The following PRKCSH variants were observed in gnomAD, a reference collection of about 807,000 sequenced individuals.
The protein encoded by PRKCSH is glucosidase 2 subunit beta.
Under a neutral mutation model 79.7 loss-of-function variants are expected in PRKCSH, and 42 were observed. That is an observed-to-expected ratio of 0.53 (90% CI 0.41 to 0.68). The LOEUF is 0.68. Among genes scored for constraint, PRKCSH ranks in the 30% least tolerant of loss-of-function variants. PRKCSH has a pLI of 0.00. For synonymous variants in PRKCSH, 325 were observed against 288.2 expected (o/e 1.13, Z -1.29); for missense variants, 686 against 709.0 (o/e 0.97, Z 0.37).
Position 11,436,170 on chromosome 19 carries a change from A to G in PRKCSH, c.53A>G (p.Lys18Arg). The G allele has an allele frequency of 6.3e-7, 1 of 1,597,288 alleles. No individual in the cohort carries two copies. Among genetic ancestry groups the G allele is most frequent in the Non-Finnish European group, 8.5e-7 (1 of 1,173,262 alleles). Residue 18 changes from lysine to arginine, a missense_variant, in exon 2 of 18, where the codon AAG becomes AGG. Lys to Arg is a conservative substitution (Grantham distance 26, BLOSUM62 2). Around this residue, in one of 2 missense-constraint regions of PRKCSH, gnomAD observed 549 missense variants for 520.2 expected, o/e 1.06. Coordinates refer to ENST00000677123, the MANE Select transcript of PRKCSH (RefSeq NM_001289104.2). Reference sequence around the variant, plus strand: ...CCCATGTGCTGGGCCGTGGAGGTCAAGAGGCCCCGGGGCGTCTCCCTCACC... The same window carrying G: ...CCCATGTGCTGGGCCGTGGAGGTCAGGAGGCCCCGGGGCGTCTCCCTCACC... ...LLPMCWAVEV[K>R]RPRGVSLTNH...
chr19:11,441,974 T>A (rs1161347854), intron 6 of PRKCSH, among the ~76,000 whole-genome samples: 1 of 152,232 alleles, frequency 6.6e-6, no homozygotes. Flanking sequence ...CAAGGAAGGC[T>A]TCTTGGAGGA....
rs748624848 is a variant in PRKCSH at position 11,448,264 on chromosome 19, C to A, written c.1169C>A (p.Ser390Ter). 1.3e-6 allele frequency: 2 copies of A among 1,570,992 alleles called. No individual in the cohort carries two copies. Among genetic ancestry groups the A allele is most frequent in the South Asian group, 2.3e-5 (2 of 85,364 alleles). ...AACAAGTTCGAGGAGGCCGAGCGGT[C>A]GCTGAAGGACATGGAGGAGTCCATC... is the stretch of plus-strand genomic sequence containing the variant. ...ARNKFEEAER[S>*]LKDMEESIRN... Residue 390 changes from serine to a stop codon, truncating the protein, a stop_gained, in exon 13 of 18, where the codon TCG becomes TAG. Coordinates refer to ENST00000677123, the MANE Select transcript of PRKCSH (RefSeq NM_001289104.2). LOFTEE classifies it high-confidence loss of function. The surrounding 1 kb of genome is among the most constrained non-coding windows in gnomAD (Gnocchi z 4.4).
rs1484859641 is a variant in PRKCSH, at chr19:11,448,134, G to C, written c.1127-88G>C. The C allele has an allele frequency of 2.1e-5, 28 of 1,353,404 alleles. No homozygotes were observed. The highest frequency in any genetic ancestry group is 2.7e-5 in the Non-Finnish European group (26 of 967,960). The allele number at this position is 1,353,404 out of a possible 1,614,324, so 83.8% of individuals were successfully genotyped here. ...CTTGGCCAGAGCAAAATGAGGGTATGGGAGCACACAGCCACATCCATGGAA... is the reference window on the plus strand; with the variant it reads ...CTTGGCCAGAGCAAAATGAGGGTATCGGAGCACACAGCCACATCCATGGAA... On this transcript the variant is annotated intron_variant, in intron 12 of 17. Transcript: ENST00000677123. The surrounding 1 kb of genome is among the most constrained non-coding windows in gnomAD (Gnocchi z 4.4).
chr19:11,442,407 G>A lies in PRKCSH; in HGVS notation c.490G>A (p.Ala164Thr). Residue 164 changes from alanine (A) to threonine (T), a missense_variant, in exon 7 of 18, where the codon GCT (alanine) becomes ACT (threonine). Physicochemically the swap from Ala to Thr is moderately conservative, Grantham distance 58. Coordinates refer to ENST00000677123, the MANE Select transcript of PRKCSH (RefSeq NM_001289104.2). Reference protein sequence around the residue: ...EKQKKLIELQAGKKSLEDQVE... With the variant: ...EKQKKLIELQTGKKSLEDQVE... The stretch of plus-strand genomic sequence containing the variant: ...CCAGAAAAAGCTCATTGAGCTACAG[G>A]CTGGGAAGAAGTCTCTGGAAGACCA... 6.2e-7 allele frequency: 1 copy of A among 1,608,234 alleles called. No homozygotes were observed. The highest frequency in any genetic ancestry group is 8.5e-7 in the Non-Finnish European group (1 of 1,177,412).
chr19:11,447,683 C>A lies in PRKCSH; in HGVS notation c.1030-10C>A. On this transcript the variant is annotated splice_polypyrimidine_tract_variant and intron_variant, in intron 11 of 17. Coordinates refer to ENST00000677123, the MANE Select transcript of PRKCSH (RefSeq NM_001289104.2). This position sits in a 1 kb window ranked among gnomAD's most constrained non-coding sequence, Gnocchi z 5.6. ...GGAAGGGCTACTCACTGACCCTGCC[C>A]CTGCCCCAGGAGGCCCCACCGCCAC... 1 of 1,566,476 alleles carries A rather than the reference C, an allele frequency of 6.4e-7. No individual in the cohort carries two copies. The highest frequency in any genetic ancestry group is 2.3e-5 in the East Asian group (1 of 43,042).
chr19:11,442,376 G>T lies in PRKCSH; in HGVS notation c.469-10G>T. ...GAGGAGAGCTGGTCTCTTGCCTTCT[G>T]CCCACCCAGAAAAAGCTCATTGAGC... is the stretch of plus-strand genomic sequence containing the variant. On this transcript the variant is annotated splice_polypyrimidine_tract_variant and intron_variant, in intron 6 of 17. Coordinates refer to ENST00000677123, the MANE Select transcript of PRKCSH (RefSeq NM_001289104.2). 4 of 1,587,358 alleles carry T rather than the reference G, an allele frequency of 2.5e-6. No individual in the cohort carries two copies. Among genetic ancestry groups the T allele is most frequent in the Non-Finnish European group, 3.4e-6 (4 of 1,166,470 alleles).
intron 5 of PRKCSH, 82 bp downstream of exon 5, chr19:11,438,206 C>T (rs1969875313): frequency 6.8e-7 from 1 of 1,463,318 alleles, no homozygotes; most frequent in African/African-American, 1.4e-5. Context: ...CCCACTCTCT[C>T]TTCTGCTTTT....
intron 7 of PRKCSH, among the ~76,000 whole-genome samples, chr19:11,442,725 A>G (rs1970119846): frequency 6.6e-6 from 1 of 152,168 alleles, no homozygotes; most frequent in African/African-American, 2.4e-5. Context: ...TTTTTGAAAC[A>G]GCGTCTCCCT....
At chr19:11,445,304 CT>C in intron 7 of PRKCSH, 84 bp from the exon 8 acceptor site, 3 of 1,334,808 alleles carry the variant, frequency 2.2e-6, no homozygotes, top group Non-Finnish European at 3.2e-6. Context: ...ATAGTAGGCG[CT>C]TGGTGGCAAA....
Position 11,441,241 on chromosome 19 carries a change from G to C in PRKCSH, c.352G>C (p.Glu118Gln), listed in dbSNP as rs1328938713. The change falls in exon 6 of 18, where the codon GAG becomes CAG. Residue 118 changes from glutamate to glutamine, a missense_variant and splice_region_variant. By Grantham distance (29) the Glu-to-Gln change is conservative. Around this residue, in one of 2 missense-constraint regions of PRKCSH, gnomAD observed 549 missense variants for 520.2 expected, o/e 1.06. Transcript: ENST00000677123. ...TGCCTGTGTGTCTCCGCACCGCAGA[G>C]AGAAGGGCCGTAAGGAGAGAGAGTC... ...SGVICENTCKEKGRKERESLQ... is the reference protein window; with the variant it reads ...SGVICENTCKQKGRKERESLQ... 1 of 1,614,036 alleles carries C rather than the reference G, an allele frequency of 6.2e-7. No individual in the cohort carries two copies. The highest frequency in any genetic ancestry group is 8.5e-7 in the Non-Finnish European group (1 of 1,179,956).
intron 5 of PRKCSH, among the ~76,000 whole-genome samples, chr19:11,440,164 T>C (rs1233725171): frequency 1.3e-5 from 2 of 151,974 alleles, no homozygotes; most frequent in Non-Finnish European, 2.9e-5. Flanking sequence ...CTTTTTTTTT[T>C]TGAGACGGAG....
intron 6 of PRKCSH, among the ~76,000 whole-genome samples, chr19:11,441,650 C>A (rs538357779): frequency 6.6e-6 from 1 of 152,226 alleles, no homozygotes; most frequent in East Asian, 1.9e-4. Context: ...TTCTCTGTAC[C>A]CCGGATCTGT....
In PRKCSH at chr19:11,446,354, C is replaced by T. The variant is rs1970298304; in HGVS notation, c.762+4C>T. The T allele has an allele frequency of 4.3e-6, 7 of 1,611,752 alleles. No individual in the cohort carries two copies. Among genetic ancestry groups the T allele is most frequent in the East Asian group, 2.2e-5 (1 of 44,770 alleles). The stretch of plus-strand genomic sequence containing the variant: ...GTTGTCAGAAGCGGAAGCTCAGGTA[C>T]CCCCGGCTGCCCCTTGGTTGGGGAC... On this transcript the variant is annotated splice_donor_region_variant and intron_variant, in intron 9 of 17. Coordinates refer to ENST00000677123, the MANE Select transcript of PRKCSH (RefSeq NM_001289104.2).
Position 11,447,004 on chromosome 19 carries a change from G to C in PRKCSH, c.763-70G>C. The C allele has an allele frequency of 1.3e-6, 2 of 1,529,462 alleles. No individual in the cohort carries two copies. Among genetic ancestry groups the C allele is most frequent in the South Asian group, 1.1e-5 (1 of 89,296 alleles). The allele number at this position is 1,529,462 out of a possible 1,614,324, so 94.7% of individuals were successfully genotyped here. On this transcript the variant is annotated intron_variant, in intron 9 of 17. Transcript: ENST00000677123. The surrounding 1 kb of genome is among the most constrained non-coding windows in gnomAD (Gnocchi z 5.6). Reference sequence around the variant, plus strand: ...CCTCCCGTGCCTGGCACCGCAGCCCGGGTGCCGGGGTGGCCGAGATGGGGG... The same window carrying C: ...CCTCCCGTGCCTGGCACCGCAGCCCCGGTGCCGGGGTGGCCGAGATGGGGG...
At chr19:11,439,221 A>G (rs967423243) in intron 5 of PRKCSH, among the ~76,000 whole-genome samples, 3 of 152,086 alleles carry the variant, frequency 2.0e-5, no homozygotes, top group Non-Finnish European at 2.9e-5. Context: ...TGCACGTGTG[A>G]GAGATACGCC....
At chr19:11,443,850 A>G (rs113539897) in intron 7 of PRKCSH, among the ~76,000 whole-genome samples, 67 of 152,068 alleles carry the variant, frequency 4.4e-4, no homozygotes, top group African/African-American at 1.5e-3. Flanking sequence ...ATCTCTGCTC[A>G]CTGCAACCTC....
intron 7 of PRKCSH, 134 bp downstream of exon 7, chr19:11,442,649 T>G (rs1028789649): frequency 1.4e-6 from 2 of 1,385,542 alleles, no homozygotes; most frequent in Non-Finnish European, 2.0e-6. Context: ...TTGTGTGCTT[T>G]GAGGTTCGCT....
At chr19:11,438,913 A>G (rs1243579163) in intron 5 of PRKCSH, among the ~76,000 whole-genome samples, 2 of 151,346 alleles carry the variant, frequency 1.3e-5, no homozygotes, top group East Asian at 3.9e-4. Flanking sequence ...ATTTTTATTT[A>G]TTTATATTTT....
intron 9 of PRKCSH, 57 bp downstream of exon 9, chr19:11,446,407 C>T: frequency 1.3e-6 from 2 of 1,566,718 alleles, no homozygotes; most frequent in Admixed American, 3.7e-5. Context: ...CCAGGGTGAC[C>T]TCAGGGCACA....
Sources: gnomAD v4.1 joint callset for allele counts (sites outside exome capture counted in the v4.1 genomes callset) on GRCh38, gnomAD v4.1.1 for gene constraint, gnomAD v4.1.1 regional missense constraint, Gnocchi (gnomAD v3.1) non-coding constraint, MANE v1.5 for transcripts, NCBI Gene and HGNC (gene_info 2026-07-23, HGNC 2026-07-21) for gene names.